The following LRBA variants were observed in gnomAD, a reference collection of about 807,000 sequenced individuals.
LRBA encodes the protein LPS responsive beige-like anchor protein.
LRBA carries 176 observed loss-of-function variants against 330.0 expected under a neutral mutation model. That is an observed-to-expected ratio of 0.53 (90% CI 0.47 to 0.60). The LOEUF is 0.60. LRBA is among the 20% of genes least tolerant of loss of function. The pLI, the probability that LRBA is intolerant of heterozygous loss-of-function variation, is 0.00. For missense variants in LRBA, 3,259 were observed against 3,444.8 expected, an observed-to-expected ratio of 0.95 and a Z score of 1.35; for synonymous variants, 1,230 against 1,193.0, an observed-to-expected ratio of 1.03 and a Z score of -0.64.
intron 40 of LRBA, among the ~76,000 whole-genome samples, chr4:150,544,541 C>T (rs999636145): frequency 3.9e-5 from 6 of 152,300 alleles, no homozygotes; most frequent in African/African-American, 1.2e-4. Context: ...CTTCTCCTAT[C>T]CCTGACCCCC....
intron 37 of LRBA, among the ~76,000 whole-genome samples, chr4:150,601,884 G>C (rs968464408): frequency 1.3e-5 from 2 of 151,904 alleles, no homozygotes; most frequent in Non-Finnish European, 2.9e-5. Context: ...GTAGAGACAG[G>C]GTTTCACCAT....
intron 44 of LRBA, among the ~76,000 whole-genome samples, chr4:150,462,823 T>C (rs1173304160): frequency 1.3e-5 from 2 of 151,940 alleles, no homozygotes; most frequent in African/African-American, 4.8e-5. Context: ...CACAAGTTTA[T>C]TTAAACAAAC....
At chr4:150,391,389 A>C (rs1160799448) in intron 47 of LRBA, among the ~76,000 whole-genome samples, 1 of 152,158 alleles carries the variant, frequency 6.6e-6, no homozygotes, top group Non-Finnish European at 1.5e-5. Context: ...AAACCTTAAA[A>C]CTGGCTTTTA....
At chr4:150,704,384 A>G (rs1785410178) in intron 36 of LRBA, among the ~76,000 whole-genome samples, 1 of 151,722 alleles carries the variant, frequency 6.6e-6, no homozygotes, top group Non-Finnish European at 1.5e-5. Context: ...TATTATTATT[A>G]TTATTTACTG....
intron 34 of LRBA, among the ~76,000 whole-genome samples, chr4:150,765,122 T>C (rs1178920588): frequency 6.7e-6 from 1 of 149,872 alleles, no homozygotes; most frequent in Non-Finnish European, 1.5e-5. Flanking sequence ...TGAAAGGACA[T>C]GGAGAAAATG....
intron 56 of LRBA, among the ~76,000 whole-genome samples, chr4:150,276,252 C>T (rs573823623): frequency 1.3e-5 from 2 of 152,118 alleles, no homozygotes; most frequent in Non-Finnish European, 2.9e-5. Context: ...GAAACTGGAC[C>T]CCTTCCTTAC....
chr4:150,538,640 G>C (rs918533836), intron 40 of LRBA, among the ~76,000 whole-genome samples: 3 of 151,962 alleles, frequency 2.0e-5, no homozygotes, highest in Non-Finnish European at 4.4e-5. Flanking sequence ...CTACTAAAGG[G>C]GGGAGATGGG....
At chr4:150,381,241 T>A (rs1265749592) in intron 47 of LRBA, among the ~76,000 whole-genome samples, 1 of 152,158 alleles carries the variant, frequency 6.6e-6, no homozygotes, top group Non-Finnish European at 1.5e-5. Context: ...TCCTTTAAAG[T>A]GTACAATTCT....
chr4:150,859,488 T>A (rs898646339), intron 22 of LRBA, among the ~76,000 whole-genome samples: 3 of 151,376 alleles, frequency 2.0e-5, no homozygotes, highest in African/African-American at 4.9e-5. Context: ...CAAAAAAAAA[T>A]GAAAACCTAG....
At chr4:150,474,531 C>T (rs1464144932) in intron 42 of LRBA, among the ~76,000 whole-genome samples, 2 of 152,114 alleles carry the variant, frequency 1.3e-5, no homozygotes, top group East Asian at 1.9e-4. Context: ...TCTCCAAAAA[C>T]GTCTATCAGG....
intron 37 of LRBA, among the ~76,000 whole-genome samples, chr4:150,656,109 C>T (rs1200194218): frequency 1.3e-5 from 2 of 152,150 alleles, no homozygotes; most frequent in African/African-American, 4.8e-5. Context: ...AAACGTCTGC[C>T]ATTTGCACTC....
chr4:150,593,850 T>A (rs1365768121), intron 38 of LRBA, among the ~76,000 whole-genome samples: 6 of 152,112 alleles, frequency 3.9e-5, no homozygotes, highest in Admixed American at 2.6e-4. Context: ...GAGTCCCCAG[T>A]GGCAATATGT....
chr4:150,415,699 C>G (rs774824750), intron 46 of LRBA, 109 bp from the exon 47 acceptor site: 3 of 671,492 alleles, frequency 4.5e-6, no homozygotes, highest in Non-Finnish European at 7.3e-6. Flanking sequence ...AAAATAAACA[C>G]AGGGAATTTT....
At chr4:150,337,514 G>A (rs916739778) in intron 48 of LRBA, among the ~76,000 whole-genome samples, 3 of 152,126 alleles carry the variant, frequency 2.0e-5, no homozygotes, top group Non-Finnish European at 4.4e-5. Flanking sequence ...GTAAAAGAAA[G>A]TCTGGCATAA....
chr4:150,501,207 G>C (rs969805705), intron 40 of LRBA, among the ~76,000 whole-genome samples: 1 of 152,106 alleles, frequency 6.6e-6, no homozygotes, highest in Admixed American at 6.5e-5. Context: ...ACTTTAACTG[G>C]AGTTCTTATG....
At chr4:150,487,860 A>G in intron 41 of LRBA, 26 bp from the exon 42 acceptor site, 1 of 1,319,130 alleles carries the variant, frequency 7.6e-7, no homozygotes, top group Non-Finnish European at 1.1e-6. Context: ...TTTAAAAATT[A>G]GAACACAGTA....
chr4:150,845,089 C>G (rs964602569), intron 26 of LRBA, among the ~76,000 whole-genome samples: 10 of 152,062 alleles, frequency 6.6e-5, no homozygotes, highest in African/African-American at 2.4e-4. Flanking sequence ...TAGATCTCAA[C>G]TAAGCTAGCT....
At chr4:150,350,567 C>CA (rs34934931) in intron 47 of LRBA, among the ~76,000 whole-genome samples, 76,845 of 138,330 alleles carry the variant, frequency 0.56, 22,364 homozygotes, top group Non-Finnish European at 0.68. Flanking sequence ...AACTCCATCT[C>CA]AAAAAAAAAA....
At chr4:150,343,699 T>C (rs1161987390) in intron 48 of LRBA, among the ~76,000 whole-genome samples, 1 of 152,146 alleles carries the variant, frequency 6.6e-6, no homozygotes, top group Non-Finnish European at 1.5e-5. Context: ...CCTGTGTCTA[T>C]CTTTCTGTCT....
Sources: allele counts gnomAD v4.1 joint callset (sites outside exome capture counted in the v4.1 genomes callset), GRCh38; gene constraint gnomAD v4.1.1; transcripts MANE v1.5; gene names NCBI Gene and HGNC (gene_info 2026-07-23, HGNC 2026-07-21).